Variants in PLCG2 observed in about 807,000 individuals in gnomAD.
The protein encoded by PLCG2 is phospholipase C gamma 2, also known as 1-phosphatidylinositol 4,5-bisphosphate phosphodiesterase gamma-2.
PLCG2 carries 69 observed loss-of-function variants against 175.6 expected under a neutral mutation model. That is an observed-to-expected ratio of 0.39 (90% confidence interval 0.32 to 0.48). The LOEUF (loss-of-function observed/expected upper bound fraction) is 0.48, where lower values mean the gene tolerates loss of function less well. PLCG2 is among the 20% of genes least tolerant of loss of function. PLCG2 has a pLI of 0.91. For missense variants in PLCG2, 1,798 were observed against 1,650.9 expected, an observed-to-expected ratio of 1.09 and a Z score of -1.54; for synonymous variants, 827 against 624.0, an observed-to-expected ratio of 1.33 and a Z score of -4.85.
Position 81,812,043 on chromosome 16 carries a change from CT to C in PLCG2, c.193+25885del, listed in dbSNP as rs539108021. Reference sequence around the variant, plus strand: ...CTCTCCAGCATCTGTTGTTTCCTGACTTTTTTTTTTTTTTTTTTTTTTTTGA... The same window carrying C: ...CTCTCCAGCATCTGTTGTTTCCTGACTTTTTTTTTTTTTTTTTTTTTTTGA... On this transcript the variant is annotated intron_variant, in intron 2 of 32. Coordinates refer to ENST00000564138, the MANE Select transcript of PLCG2 (RefSeq NM_002661.5). Among the ~76,000 whole-genome samples, 715 of 90,312 alleles carry C rather than the reference CT, an allele frequency of 7.9e-3. 1 individual carries two copies. Among genetic ancestry groups the C allele is most frequent in the African/African-American group, 0.024 (525 of 21,530 alleles). 59.2% of individuals were successfully genotyped at this position (90,312 alleles called of 152,430 possible).
At chr16:81,880,830 T>C (rs2143567549) in intron 7 of PLCG2, 80 bp from the exon 8 acceptor site, 1 of 1,361,568 alleles carries the variant, frequency 7.3e-7, no homozygotes, top group Non-Finnish European at 1.0e-6. Flanking sequence ...ATGATGCTTT[T>C]TTAACAACAA....
At chr16:81,815,426 C>G (rs1031615985) in intron 2 of PLCG2, among the ~76,000 whole-genome samples, 9 of 152,194 alleles carry the variant, frequency 5.9e-5, no homozygotes, top group African/African-American at 1.9e-4. Context: ...GGGACCCTGT[C>G]TTTCCAGCGG....
At position 81,854,569 on chromosome 16, in the gene PLCG2, A is replaced by G. The variant is rs377058251; in HGVS notation, c.319A>G (p.Ser107Gly). Residue 107 changes from serine (S) to glycine (G), a missense_variant, in exon 3 of 33, where the codon AGC becomes GGC. Transcript: ENST00000564138. Reference sequence around the variant, plus strand: ...CCTATATGGCACTCAGTTCGTCCTCAGCACGCTCAGCTTGGCAGGTAGGTG... The same window carrying G: ...CCTATATGGCACTCAGTTCGTCCTCGGCACGCTCAGCTTGGCAGGTAGGTG... Reference protein sequence around the residue: ...TILYGTQFVLSTLSLAADSKE... With the variant: ...TILYGTQFVLGTLSLAADSKE... 1.2e-5 allele frequency: 19 copies of G among 1,613,910 alleles called. No individual in the cohort carries two copies. The highest frequency in any genetic ancestry group is 1.6e-4 in the Middle Eastern group (1 of 6,084).
chr16:81,913,505 G>T (rs1348873330), intron 19 of PLCG2, among the ~76,000 whole-genome samples: 1 of 152,204 alleles, frequency 6.6e-6, no homozygotes, highest in Non-Finnish European at 1.5e-5. Flanking sequence ...TCAGATGCAG[G>T]CCTGTCCGTC....
chr16:81,927,545 AG>A (rs1169832017), intron 23 of PLCG2, among the ~76,000 whole-genome samples: 2 of 152,196 alleles, frequency 1.3e-5, no homozygotes, highest in African/African-American at 4.8e-5. Flanking sequence ...GGGGCGAGTA[AG>A]CAAGTGGGCC....
At chr16:81,949,481 G>A (rs938862788) in intron 31 of PLCG2, among the ~76,000 whole-genome samples, 1 of 152,160 alleles carries the variant, frequency 6.6e-6, no homozygotes, top group African/African-American at 2.4e-5. Context: ...GGTAGAATGT[G>A]GACTAGGAAG....
chr16:81,782,074 C>T (rs1284860802), intron 1 of PLCG2, among the ~76,000 whole-genome samples: 1 of 152,070 alleles, frequency 6.6e-6, no homozygotes, highest in East Asian at 1.9e-4. Context: ...GACGGGGTTT[C>T]ATCGTGTTAG....
chr16:81,752,818 A>T (rs1909839681), intron 1 of PLCG2, among the ~76,000 whole-genome samples: 1 of 152,180 alleles, frequency 6.6e-6, no homozygotes. Context: ...CTCCCCGGTG[A>T]GTGGCTGTTG....
intron 9 of PLCG2, among the ~76,000 whole-genome samples, chr16:81,885,618 A>T (rs1274488693): frequency 7.5e-6 from 1 of 133,552 alleles, no homozygotes; most frequent in Non-Finnish European, 1.7e-5. Flanking sequence ...TCTCTCACAG[A>T]TAGAACTTTT....
intron 1 of PLCG2, among the ~76,000 whole-genome samples, chr16:81,742,243 ACATAGTACCC>A (rs1375736489): frequency 6.6e-6 from 1 of 152,052 alleles, no homozygotes; most frequent in African/African-American, 2.4e-5. Context: ...TACTCCGAGT[ACATAGTACCC>A]CTGGAAAATA....
At chr16:81,921,860 A>G (rs1910076015) in intron 21 of PLCG2, among the ~76,000 whole-genome samples, 1 of 152,238 alleles carries the variant, frequency 6.6e-6, no homozygotes, top group South Asian at 2.1e-4. Flanking sequence ...AAATCCAGAG[A>G]TGACTTTCTT....
chr16:81,905,846 G>A (rs1044489416), intron 15 of PLCG2, among the ~76,000 whole-genome samples: 1 of 152,092 alleles, frequency 6.6e-6, no homozygotes, highest in Admixed American at 6.6e-5. Context: ...TTTTTGCAGA[G>A]ATGGGATTTA....
chr16:81,756,345 G>A (rs1276340152), intron 2 of PLCG2, among the ~76,000 whole-genome samples: 2 of 152,244 alleles, frequency 1.3e-5, no homozygotes, highest in African/African-American at 4.8e-5. Context: ...GTATATGCCA[G>A]TCACTGACCT....
At chr16:81,881,597 A>G (rs1175853118) in intron 8 of PLCG2, among the ~76,000 whole-genome samples, 1 of 152,242 alleles carries the variant, frequency 6.6e-6, no homozygotes, top group Non-Finnish European at 1.5e-5. Flanking sequence ...CACTTTTGAA[A>G]TCAGAAACTC....
intron 2 of PLCG2, among the ~76,000 whole-genome samples, chr16:81,786,846 A>G (rs1419637351): frequency 1.3e-5 from 2 of 152,250 alleles, no homozygotes; most frequent in African/African-American, 4.8e-5. Flanking sequence ...CTAGTTTTTA[A>G]TTGAAATATA....
chr16:81,831,913 T>C (rs1905273675), intron 2 of PLCG2, among the ~76,000 whole-genome samples: 1 of 152,182 alleles, frequency 6.6e-6, no homozygotes, highest in African/African-American at 2.4e-5. Context: ...TAACCACAAA[T>C]GAAGACTCAT....
chr16:81,870,949 T>A lies in PLCG2; in HGVS notation c.648+14T>A. 7.3e-7 allele frequency: 1 copy of A among 1,377,470 alleles called. No homozygotes were observed. The highest frequency in any genetic ancestry group is 1.0e-6 in the Non-Finnish European group (1 of 975,480). The allele number at this position is 1,377,470 out of a possible 1,614,324, so 85.3% of individuals were successfully genotyped here. A position where few individuals can be genotyped will look rare whatever the true frequency, so the allele number is the denominator to read the frequency against. On this transcript the variant is annotated intron_variant, in intron 7 of 32. Coordinates refer to ENST00000564138, the MANE Select transcript of PLCG2 (RefSeq NM_002661.5). ...CAGCAAAAATCGGTAAGATGATTCT[T>A]GAGCAAGTGATCAAGTGATGTTTCT...
At chr16:81,909,640 C>G (rs1295617037) in intron 17 of PLCG2, among the ~76,000 whole-genome samples, 1 of 152,080 alleles carries the variant, frequency 6.6e-6, no homozygotes, top group African/African-American at 2.4e-5. Context: ...TGGTTTTGAA[C>G]TCAGCTCAAG....
At chr16:81,847,085 C>G (rs1191765989) in intron 2 of PLCG2, among the ~76,000 whole-genome samples, 1 of 152,220 alleles carries the variant, frequency 6.6e-6, no homozygotes, top group Admixed American at 6.5e-5. Flanking sequence ...ATGCTTTTGA[C>G]TGACTGGCTA....
Sources: allele counts gnomAD v4.1 joint callset (sites outside exome capture counted in the v4.1 genomes callset), GRCh38; gene constraint gnomAD v4.1.1; transcripts MANE v1.5; gene names NCBI Gene and HGNC (gene_info 2026-07-23, HGNC 2026-07-21).